PACS1: variants seen among roughly 807,000 people sequenced by gnomAD.
PACS1 encodes the protein phosphofurin acidic cluster sorting protein 1.
PACS1 carries 24 observed loss-of-function variants against 115.0 expected under a neutral mutation model. That is an observed-to-expected ratio of 0.21 (90% CI 0.15 to 0.29). PACS1 has a LOEUF of 0.29. Among genes scored for constraint, PACS1 ranks in the 10% least tolerant of loss-of-function variants. PACS1 has a pLI of 1.00. For missense variants in PACS1, 838 were observed against 1,251.2 expected (o/e 0.67, Z 4.98); for synonymous variants, 453 against 504.5 (o/e 0.90, Z 1.37).
At chr11:66,203,854 A>T (rs1854872802) in intron 2 of PACS1, among the ~76,000 whole-genome samples, 1 of 133,856 alleles carries the variant, frequency 7.5e-6, no homozygotes, top group South Asian at 2.3e-4. Context: ...AAAATCAGAT[A>T]AAAATTGACT....
intron 19 of PACS1, 89 bp from the exon 20 acceptor site, chr11:66,238,715 G>A (rs1466913153): frequency 1.7e-6 from 2 of 1,180,912 alleles, no homozygotes; most frequent in African/African-American, 3.0e-5. Flanking sequence ...TGTAGTGATG[G>A]CTCTTGTGCC....
At chr11:66,216,672 A>AT in intron 6 of PACS1, 23 bp from the exon 7 acceptor site, 1 of 1,612,688 alleles carries the variant, frequency 6.2e-7, no homozygotes, top group Non-Finnish European at 8.5e-7. Flanking sequence ...TCCCACCCTC[A>AT]TTCTGTCCCT....
At chr11:66,135,934 G>A (rs1220527793) in intron 1 of PACS1, among the ~76,000 whole-genome samples, 1 of 152,110 alleles carries the variant, frequency 6.6e-6, no homozygotes, top group Non-Finnish European at 1.5e-5. Flanking sequence ...TGGGATTACA[G>A]GCGTGAGCCA....
At chr11:66,184,302 G>A in intron 1 of PACS1, among the ~76,000 whole-genome samples, 1 of 103,568 alleles carries the variant, frequency 9.7e-6, no homozygotes, top group Admixed American at 1.4e-4. Context: ...GACAGAGTGA[G>A]ACCCTGTCTC....
At position 66,110,887 on chromosome 11, in the gene PACS1, C is replaced by T. The variant is rs117595019; in HGVS notation, c.356+40045C>T. Among the ~76,000 whole-genome samples, 34 of 152,252 alleles carry T rather than the reference C, an allele frequency of 2.2e-4. No individual in the cohort carries two copies. In the East Asian group the frequency reaches 5.8e-3, roughly 26 times the overall value. On this transcript the variant is annotated intron_variant, in intron 1 of 23. Coordinates refer to ENST00000320580, the MANE Select transcript of PACS1 (RefSeq NM_018026.4). ...CCCAGCCAACATTTTACTCTTTATA[C>T]GTGTGTTCAGCTACAAAACTTTCTT...
At chr11:66,203,962 T>C (rs1209308596) in intron 2 of PACS1, among the ~76,000 whole-genome samples, 8 of 152,182 alleles carry the variant, frequency 5.3e-5, no homozygotes, top group Middle Eastern at 3.4e-3. Context: ...AAAGAAAACA[T>C]TGGGGAAACT....
intron 21 of PACS1, chr11:66,241,073 GTGTA>G (rs1396886821): frequency 6.2e-5 from 10 of 161,662 alleles, no homozygotes; most frequent in Admixed American, 1.9e-4. Flanking sequence ...CCTGCTGGGC[GTGTA>G]TGTGTGTGTG....
rs1432128097 is a variant in PACS1, at chr11:66,231,802, C to CT, written c.1627-369dup. The CT allele has an allele frequency of 1.3e-5, 3 of 235,754 alleles. 1 individual carries two copies. The highest frequency in any genetic ancestry group is 4.5e-5 in the African/African-American group (2 of 44,350). The allele number at this position is 235,754 out of a possible 1,614,324, so 14.6% of individuals were successfully genotyped here. A position where few individuals can be genotyped will look rare whatever the true frequency, so the allele number is the denominator to read the frequency against. ...CCCCACTGCCCTCGTTTCTGTTTCTCTGAGCACCTGCTGGCCGCCCTCTGC... is the reference window on the plus strand; with the variant it reads ...CCCCACTGCCCTCGTTTCTGTTTCTCTTGAGCACCTGCTGGCCGCCCTCTGC... On this transcript the variant is annotated intron_variant, in intron 13 of 23. Transcript: ENST00000320580.
At chr11:66,231,932 C>T (rs758453696) in intron 13 of PACS1, 1 of 429,234 alleles carries the variant, frequency 2.3e-6, no homozygotes, top group Non-Finnish European at 4.2e-6. Context: ...CCTGGCAGGA[C>T]AACCGCTGTG....
In PACS1 at chr11:66,216,169, C is replaced by T. The variant is rs372723893; in HGVS notation, c.711C>T (p.Asn237=). 2.4e-5 allele frequency: 38 copies of T among 1,613,682 alleles called. No homozygotes were observed. The highest frequency in any genetic ancestry group is 2.3e-4 in the African/African-American group (17 of 74,894). ...EGALVLGLHS[N]VKDVSVPVAE... is the part of the protein sequence containing the mutation. The stretch of plus-strand genomic sequence containing the variant: ...CACTGGTGCTTGGCCTACACAGCAA[C>T]GTGAAGGATGTCTCTGTGCCTGTGG... The change falls in exon 5 of 24, where the codon AAC becomes AAT. Residue 237 remains asparagine (N), a synonymous_variant. Coordinates refer to ENST00000320580, the MANE Select transcript of PACS1 (RefSeq NM_018026.4).
chr11:66,230,693 A>G (rs1448339208), intron 12 of PACS1, 30 bp downstream of exon 12: 15 of 1,610,442 alleles, frequency 9.3e-6, no homozygotes, highest in Non-Finnish European at 1.3e-5. Flanking sequence ...AGCAGGGGGT[A>G]CAGCCTGCAG....
chr11:66,122,556 C>T (rs1858469647), intron 1 of PACS1, among the ~76,000 whole-genome samples: 2 of 152,180 alleles, frequency 1.3e-5, no homozygotes, highest in Admixed American at 1.3e-4. Context: ...ATTTTAGATG[C>T]CATTAAGAAC....
chr11:66,239,369 C>T (rs1457884439), intron 21 of PACS1, 92 bp downstream of exon 21: 4 of 1,465,106 alleles, frequency 2.7e-6, no homozygotes, highest in Non-Finnish European at 3.7e-6. Context: ...AGAAGGTAGC[C>T]ACAGGAAGCC....
intron 1 of PACS1, among the ~76,000 whole-genome samples, chr11:66,143,499 C>A (rs746052018): frequency 6.6e-6 from 1 of 152,152 alleles, no homozygotes; most frequent in African/African-American, 2.4e-5. Context: ...AGTATTGTTA[C>A]CGCACTTCCC....
At chr11:66,191,027 A>G (rs1854508225) in intron 1 of PACS1, among the ~76,000 whole-genome samples, 1 of 152,204 alleles carries the variant, frequency 6.6e-6, no homozygotes, top group South Asian at 2.1e-4. Context: ...ACACACGTTT[A>G]TTATCTTGCA....
chr11:66,232,751 C>A (rs1855622387), intron 14 of PACS1, among the ~76,000 whole-genome samples: 1 of 152,098 alleles, frequency 6.6e-6, no homozygotes, highest in Non-Finnish European at 1.5e-5. Flanking sequence ...CTAAGGCTTC[C>A]CATCTCTCAC....
chr11:66,093,301 A>T (rs181952913), intron 1 of PACS1, among the ~76,000 whole-genome samples: 4 of 152,018 alleles, frequency 2.6e-5, no homozygotes, highest in Admixed American at 1.3e-4. Flanking sequence ...CAGGAAACCC[A>T]TCTCACGTGC....
intron 2 of PACS1, among the ~76,000 whole-genome samples, chr11:66,209,976 A>G (rs762588078): frequency 2.0e-5 from 3 of 151,102 alleles, no homozygotes; most frequent in Non-Finnish European, 4.4e-5. Flanking sequence ...CAAACATAGT[A>G]TTTCTTTTGG....
intron 1 of PACS1, among the ~76,000 whole-genome samples, chr11:66,163,220 C>T (rs1338047240): frequency 1.3e-5 from 2 of 151,698 alleles, no homozygotes; most frequent in African/African-American, 2.4e-5. Flanking sequence ...TGTGGTGGTG[C>T]GTGCCTGTAG....
Sources: gnomAD v4.1 joint callset for allele counts (sites outside exome capture counted in the v4.1 genomes callset) on GRCh38, gnomAD v4.1.1 for gene constraint, MANE v1.5 for transcripts, NCBI Gene and HGNC (gene_info 2026-07-23, HGNC 2026-07-21) for gene names.